Variants in ZNG1C observed in about 807,000 individuals in gnomAD.
The protein encoded by ZNG1C is zinc-regulated GTPase metalloprotein activator 1C.
the ZNG1C span, among the ~76,000 whole-genome samples, chr9:68,249,183 G>A: frequency 6.6e-6 from 1 of 151,670 alleles, no homozygotes; most frequent in South Asian, 2.1e-4. Context: ...AGGACATGTA[G>A]GAAGAGCAGA....
At chr9:68,296,361 G>A in the ZNG1C span, among the ~76,000 whole-genome samples, 5 of 151,966 alleles carry the variant, frequency 3.3e-5, no homozygotes, top group African/African-American at 1.2e-4. Context: ...AAAATTGGGT[G>A]CAGTGTATAC....
the ZNG1C span, among the ~76,000 whole-genome samples, chr9:68,284,130 CT>C: frequency 2.0e-5 from 3 of 149,560 alleles, no homozygotes; most frequent in East Asian, 2.0e-4. Context: ...TTTATTTTTA[CT>C]TTTTTGTAGT....
the ZNG1C span, among the ~76,000 whole-genome samples, chr9:68,296,633 G>T: frequency 1.5e-4 from 23 of 152,294 alleles, no homozygotes; most frequent in East Asian, 3.9e-3. Flanking sequence ...AGGAAGTTAT[G>T]CAAAGATGTG....
the ZNG1C span, chr9:68,269,536 T>C: frequency 1.1e-6 from 1 of 915,912 alleles, no homozygotes; most frequent in Non-Finnish European, 1.3e-6. Flanking sequence ...TGCAGGGTTA[T>C]TTTATTAAGC....
the ZNG1C span, among the ~76,000 whole-genome samples, chr9:68,291,730 C>G: frequency 6.6e-6 from 1 of 151,160 alleles, no homozygotes; most frequent in East Asian, 1.9e-4. Flanking sequence ...AGCACTTTTC[C>G]GCTTTTCCTA....
At chr9:68,264,821 TTATATATATA>T in the ZNG1C span, among the ~76,000 whole-genome samples, 206 of 24,900 alleles carry the variant, frequency 8.3e-3, 4 homozygotes, top group African/African-American at 0.023. Flanking sequence ...GGATTGAAGA[TTATATATATA>T]TATATATATA....
the ZNG1C span, among the ~76,000 whole-genome samples, chr9:68,284,982 A>G: frequency 1.3e-5 from 2 of 151,280 alleles, no homozygotes; most frequent in South Asian, 4.2e-4. Flanking sequence ...TGGGAAAAGC[A>G]TATGATTTTT....
chr9:68,247,344 G>T, the ZNG1C span, among the ~76,000 whole-genome samples: 7 of 151,008 alleles, frequency 4.6e-5, no homozygotes, highest in South Asian at 1.5e-3. Context: ...TAAGAAATGG[G>T]GGTGGCCAAG....
chr9:68,264,820 A>ATTTT, the ZNG1C span, among the ~76,000 whole-genome samples: 46 of 39,438 alleles, frequency 1.2e-3, 1 homozygote, highest in African/African-American at 3.0e-3. Context: ...GGGATTGAAG[A>ATTTT]TTATATATAT....
chr9:68,257,547 A>C, the ZNG1C span, among the ~76,000 whole-genome samples: 3 of 100,872 alleles, frequency 3.0e-5, no homozygotes, highest in Non-Finnish European at 6.1e-5. Flanking sequence ...TTTAAAAAAA[A>C]AAATGCTTTG....
chr9:68,290,846 AAT>A, the ZNG1C span, among the ~76,000 whole-genome samples: 5 of 144,322 alleles, frequency 3.5e-5, no homozygotes, highest in African/African-American at 1.0e-4. Context: ...ATGCTATAAA[AAT>A]AGTTTTAAAA....
At chr9:68,257,318 G>A in the ZNG1C span, among the ~76,000 whole-genome samples, 11 of 128,704 alleles carry the variant, frequency 8.5e-5, no homozygotes, top group Non-Finnish European at 1.3e-4. Context: ...GATTACAGGC[G>A]TGAGCCACCA....
chr9:68,275,418 A>G, the ZNG1C span, among the ~76,000 whole-genome samples: 316 of 149,526 alleles, frequency 2.1e-3, no homozygotes, highest in African/African-American at 7.3e-3. Flanking sequence ...CTGGTGTGCT[A>G]CACCCACTAA....
chr9:68,260,392 A>T, the ZNG1C span, among the ~76,000 whole-genome samples: 61 of 151,144 alleles, frequency 4.0e-4, no homozygotes, highest in African/African-American at 1.4e-3. Flanking sequence ...ACGGAGGCCA[A>T]AAAAACAAAG....
the ZNG1C span, among the ~76,000 whole-genome samples, chr9:68,244,480 C>G: frequency 1.1e-5 from 1 of 89,052 alleles, no homozygotes; most frequent in Admixed American, 1.3e-4. Flanking sequence ...GTAGGAAGAT[C>G]TAGTTATATA....
At chr9:68,294,163 G>T in the ZNG1C span, among the ~76,000 whole-genome samples, 14 of 145,456 alleles carry the variant, frequency 9.6e-5, no homozygotes, top group Admixed American at 2.8e-4. Context: ...TCAACCTCTG[G>T]GATACAGCAA....
the ZNG1C span, among the ~76,000 whole-genome samples, chr9:68,256,301 A>G: frequency 6.7e-6 from 1 of 148,340 alleles, no homozygotes; most frequent in East Asian, 2.0e-4. Context: ...TACTGAACCA[A>G]TTTCTGTCAA....
At chr9:68,289,779 TTTTCTG>T in the ZNG1C span, among the ~76,000 whole-genome samples, 8 of 146,916 alleles carry the variant, frequency 5.4e-5, no homozygotes, top group African/African-American at 2.1e-4. Flanking sequence ...ATTGCCTCAC[TTTTCTG>T]TTTCTTTCTG....
the ZNG1C span, among the ~76,000 whole-genome samples, chr9:68,256,608 T>G: frequency 3.4e-5 from 4 of 116,834 alleles, no homozygotes; most frequent in Non-Finnish European, 5.2e-5. Flanking sequence ...CTGCTCAAAT[T>G]GTTTGATAAT....
Sources: allele counts gnomAD v4.1 joint callset (sites outside exome capture counted in the v4.1 genomes callset), GRCh38; gene constraint gnomAD v4.1.1; transcripts MANE v1.5; gene names NCBI Gene and HGNC (gene_info 2026-07-23, HGNC 2026-07-21).